The following TMTC4 variants were observed in gnomAD, a reference collection of about 807,000 sequenced individuals.
TMTC4 encodes transmembrane O-mannosyltransferase targeting cadherins 4, also known as protein O-mannosyl-transferase TMTC4.
A neutral mutation model predicts 86.0 loss-of-function variants in TMTC4; 65 were observed. The ratio of observed to expected loss-of-function variants is 0.76; its 90% CI spans 0.62 to 0.93. The LOEUF is 0.93. Ranked by LOEUF, TMTC4 falls within the 40% of genes least tolerant of loss-of-function variation. The probability of loss-of-function intolerance (pLI) is 0.00; values close to 1 mark genes in which losing one functional copy is unlikely to be tolerated. For synonymous variants in TMTC4, 379 were observed against 382.5 expected, an observed-to-expected ratio of 0.99 and a Z score of 0.11; for missense variants, 866 against 948.1, an observed-to-expected ratio of 0.91 and a Z score of 1.14.
intron 5 of TMTC4, among the ~76,000 whole-genome samples, chr13:100,662,630 T>C (rs1290611444): frequency 6.6e-6 from 1 of 152,154 alleles, no homozygotes; most frequent in Non-Finnish European, 1.5e-5. Context: ...ATATTTAACA[T>C]CCGTGCCTTC....
chr13:100,622,681 T>C lies in TMTC4; in HGVS notation c.1836+2854A>G, dbSNP rs189057949. On this transcript the variant is annotated intron_variant, in intron 15 of 18. Coordinates refer to ENST00000342624, the MANE Select transcript of TMTC4 (RefSeq NM_032813.5). ...AACTGTGAGTCCATTAAACCTCTTT[T>C]TCTCTATAAATTACCCAGTGTCAGG... Among the ~76,000 whole-genome samples, 310 of 152,280 alleles carry C rather than the reference T, an allele frequency of 2.0e-3. 3 individuals are homozygous for C. The highest frequency in any genetic ancestry group is 6.7e-3 in the African/African-American group (280 of 41,556).
At chr13:100,613,098 C>A (rs559313647) in intron 16 of TMTC4, among the ~76,000 whole-genome samples, 1 of 152,134 alleles carries the variant, frequency 6.6e-6, no homozygotes, top group East Asian at 1.9e-4. Flanking sequence ...CATTTCTTTA[C>A]GTTAGGAACA....
In TMTC4 at chr13:100,646,061, C is replaced by T. The variant is rs111748047; in HGVS notation, c.641-3750G>A. ...CACTCACGGGTGTGTGGTCCATGAA[C>T]CTGCACCTGGATCTTATTAGACTCA... On this transcript the variant is annotated intron_variant, in intron 6 of 18. Transcript: ENST00000342624. 4.5e-3 allele frequency among the ~76,000 whole-genome samples: 689 copies of T among 152,228 alleles called. 1 individual carries two copies. The highest frequency in any genetic ancestry group is 8.1e-3 in the Non-Finnish European group (549 of 68,026).
intron 18 of TMTC4, 87 bp downstream of exon 18, chr13:100,606,271 C>T (rs1876574518): frequency 1.7e-6 from 2 of 1,162,948 alleles, no homozygotes; most frequent in East Asian, 4.9e-5. Flanking sequence ...GAAAAAACTA[C>T]TCTCCCAACA....
At chr13:100,658,744 T>C (rs1382118575) in intron 5 of TMTC4, among the ~76,000 whole-genome samples, 2 of 152,246 alleles carry the variant, frequency 1.3e-5, no homozygotes, top group Non-Finnish European at 2.9e-5. Context: ...TTTCTGCTAA[T>C]TGCTGAAGAC....
intron 15 of TMTC4, among the ~76,000 whole-genome samples, chr13:100,623,640 G>GTTTTTTTTTTTTTTTTTTTTTT (rs71200708): frequency 1.0e-5 from 1 of 96,166 alleles, no homozygotes. Flanking sequence ...TACTAGTTGG[G>GTTTTTTTTTTTTTTTTTTTTTT]TTTTGTTTTT....
intron 7 of TMTC4, among the ~76,000 whole-genome samples, chr13:100,640,423 C>T (rs1423400933): frequency 1.3e-5 from 2 of 152,112 alleles, no homozygotes; most frequent in African/African-American, 4.8e-5. Context: ...GTAATTCTCC[C>T]TATACCATCT....
At chr13:100,660,036 G>A (rs1885573687) in intron 5 of TMTC4, among the ~76,000 whole-genome samples, 1 of 151,344 alleles carries the variant, frequency 6.6e-6, no homozygotes, top group Admixed American at 6.6e-5. Context: ...TTAATATAAA[G>A]AAATTCATGT....
chr13:100,670,521 T>C lies in TMTC4; in HGVS notation c.-159A>G. The C allele has an allele frequency of 1.6e-6, 1 of 625,978 alleles. No homozygotes were observed. 38.8% of individuals were successfully genotyped at this position (625,978 alleles called of 1,614,324 possible). On this transcript the variant is annotated 5_prime_UTR_variant, in exon 2 of 19. Transcript: ENST00000342624. ...AGTGCTGGGGGAATACTGCAGCTAC[T>C]TTTCTTTTCCAGTCAAAGGATAAAC...
intron 12 of TMTC4, among the ~76,000 whole-genome samples, chr13:100,626,999 C>A (rs551942255): frequency 1.3e-5 from 2 of 152,162 alleles, no homozygotes; most frequent in African/African-American, 4.8e-5. Context: ...CTTTCCGCCA[C>A]GTGAGGACAC....
intron 5 of TMTC4, among the ~76,000 whole-genome samples, chr13:100,658,757 T>C (rs1483993718): frequency 6.6e-6 from 1 of 152,140 alleles, no homozygotes; most frequent in Admixed American, 6.5e-5. Context: ...CTGAAGACCA[T>C]CCCACGACTT....
chr13:100,673,900 T>C lies in TMTC4; in HGVS notation c.-208+844A>G, dbSNP rs12876650. On this transcript the variant is annotated intron_variant, in intron 1 of 18. Transcript: ENST00000342624. ...CCTAGTCAGTCCCTACTATAACTGT[T>C]TCTCAAGACATTCTCCCCATGCATT... 3.8e-5 allele frequency: 17 copies of C among 452,814 alleles called. No homozygotes were observed. The East Asian group carries it at 2.3e-3, about 61-fold the overall frequency. 28.0% of individuals were successfully genotyped at this position (452,814 alleles called of 1,614,324 possible).
At position 100,635,084 on chromosome 13, in the gene TMTC4, A is replaced by G. The variant is rs1566596885; in HGVS notation, c.1314T>C (p.Val438=). Residue 438 remains valine (V), a synonymous_variant, in exon 11 of 19, where the codon GTT becomes GTC. Coordinates refer to ENST00000342624, the MANE Select transcript of TMTC4 (RefSeq NM_032813.5). The stretch of plus-strand genomic sequence containing the variant: ...CAAAAGTCAGCAGCACACAGTACCC[A>G]ACGCTGGGGAGGTAGAGGACACGCT... The part of the protein sequence containing the change: ...VAERVLYLPS[V]GYCVLLTFGF... The G allele has an allele frequency of 6.2e-7, 1 of 1,614,110 alleles. No individual in the cohort carries two copies. Among genetic ancestry groups the G allele is most frequent in the Non-Finnish European group, 8.5e-7 (1 of 1,180,014 alleles).
rs897062090 is a variant in TMTC4 at position 100,655,716 on chromosome 13, A to G, written c.640+665T>C. Among the ~76,000 whole-genome samples the G allele has an allele frequency of 2.6e-5, 4 of 152,226 alleles. No individual in the cohort carries two copies. The South Asian group carries it at 8.3e-4, about 32-fold the overall frequency. On this transcript the variant is annotated intron_variant, in intron 6 of 18. Coordinates refer to ENST00000342624, the MANE Select transcript of TMTC4 (RefSeq NM_032813.5). The stretch of plus-strand genomic sequence containing the variant: ...AAGGTGTTCTGCTCAGCTGTCCCCA[A>G]ACTCTCTAATGTATCAGAAAACCGA...
rs140552944 is a variant in TMTC4 at position 100,603,711 on chromosome 13, A to G, written c.*1283T>C. On this transcript the variant is annotated 3_prime_UTR_variant, in exon 19 of 19. Coordinates refer to ENST00000342624, the MANE Select transcript of TMTC4 (RefSeq NM_032813.5). ...TGAAACACTACACAGACCTGCCCCC[A>G]ACACGTGAGTCCAGAGAATCACATT... Among the ~76,000 whole-genome samples the G allele has an allele frequency of 1.5e-3, 226 of 152,324 alleles. 7 individuals carry two copies. The South Asian group carries it at 0.02, about 14-fold the overall frequency.
chr13:100,662,911 G>T (rs1885949306), intron 5 of TMTC4, 53 bp downstream of exon 5: 2 of 1,588,252 alleles, frequency 1.3e-6, no homozygotes, highest in South Asian at 1.1e-5. Context: ...CGACATGGGG[G>T]TGTCATATCG....
intron 12 of TMTC4, among the ~76,000 whole-genome samples, chr13:100,627,298 G>A (rs1566584696): frequency 6.6e-6 from 1 of 152,214 alleles, no homozygotes; most frequent in African/African-American, 2.4e-5. Flanking sequence ...CGAGGCCGGC[G>A]CGGGGCGGGG....
intron 15 of TMTC4, among the ~76,000 whole-genome samples, chr13:100,617,934 C>T (rs1413148341): frequency 1.3e-5 from 2 of 152,166 alleles, no homozygotes; most frequent in African/African-American, 4.8e-5. Context: ...GCAGTATGGC[C>T]ATTTTAACAA....
intron 1 of TMTC4, 187 bp downstream of exon 1, chr13:100,674,557 C>T: frequency 4.1e-6 from 4 of 982,428 alleles, no homozygotes; most frequent in Non-Finnish European, 4.8e-6. Context: ...GGGCCCGCGT[C>T]CCCCGTGACC....
Sources: gnomAD v4.1 joint callset for allele counts (sites outside exome capture counted in the v4.1 genomes callset) on GRCh38, gnomAD v4.1.1 for gene constraint, MANE v1.5 for transcripts, NCBI Gene and HGNC (gene_info 2026-07-23, HGNC 2026-07-21) for gene names.